The following LPIN1 variants were observed in gnomAD, a reference collection of about 807,000 sequenced individuals.
LPIN1 encodes the protein phosphatidate phosphatase LPIN1.
Under a neutral mutation model 107.5 loss-of-function variants are expected in LPIN1, and 71 were observed. That is an observed-to-expected ratio of 0.66 (90% confidence interval 0.55 to 0.80). The LOEUF is 0.80. LPIN1 is among the 30% of genes least tolerant of loss of function. The pLI is 0.00. For missense variants in LPIN1, 1,043 were observed against 1,160.6 expected (o/e 0.90, Z 1.47); for synonymous variants, 445 against 452.6 (o/e 0.98, Z 0.21).
At position 11,765,821 on chromosome 2, in the gene LPIN1, A is replaced by C. The variant is rs1225809893; in HGVS notation, c.192+88A>C. On this transcript the variant is annotated intron_variant, in intron 2 of 20. Coordinates refer to ENST00000674199, the MANE Select transcript of LPIN1 (RefSeq NM_001349206.2). The surrounding 1 kb of genome is among the most constrained non-coding windows in gnomAD (Gnocchi z 4.4). ...GTGATGCCACCTGTCTTGAACTCTCAGACCCAGAGTTTTAGGTCTTCGTTG... is the reference window on the plus strand; with the variant it reads ...GTGATGCCACCTGTCTTGAACTCTCCGACCCAGAGTTTTAGGTCTTCGTTG... 4 of 1,207,948 alleles carry C rather than the reference A, an allele frequency of 3.3e-6. No individual in the cohort carries two copies. The East Asian group carries it at 7.2e-5, about 22-fold the overall frequency. 74.8% of individuals were successfully genotyped at this position (1,207,948 alleles called of 1,614,324 possible).
At chr2:11,790,599 AAGGGGAGGCAGATGAGCTGCTCAC>A (rs1572852344) in intron 12 of LPIN1, among the ~76,000 whole-genome samples, 2 of 152,340 alleles carry the variant, frequency 1.3e-5, no homozygotes, top group East Asian at 3.9e-4. Context: ...GTCAGCAAGA[AAGGGGAGGCAGATGAGCTGCTCAC>A]AGGGTCTGAC....
At chr2:11,780,651 A>G (rs887308149) in intron 7 of LPIN1, among the ~76,000 whole-genome samples, 2 of 152,170 alleles carry the variant, frequency 1.3e-5, no homozygotes, top group Middle Eastern at 3.2e-3. Context: ...GCAGCAGGTT[A>G]TTCTGGGTTT....
Position 11,824,775 on chromosome 2 carries a change from A to G in LPIN1, c.2765A>G (p.His922Arg). 2 of 1,614,218 alleles carry G rather than the reference A, an allele frequency of 1.2e-6. No individual in the cohort carries two copies. Among genetic ancestry groups the G allele is most frequent in the African/African-American group, 1.3e-5 (1 of 75,052 alleles). ...CCACCTTTTGAAAACCAGGACATTC[A>G]TTCTGCCTCAGCGTAAAATGTCCCA... ...PLPPFENQDIHSASA is the reference protein window; with the variant it reads ...PLPPFENQDIRSASA Residue 922 changes from histidine to arginine, a missense_variant, in exon 21 of 21, where the codon CAT (histidine) becomes CGT (arginine). Transcript: ENST00000674199.
chr2:11,733,481 CTT>C (rs1491452118), intron 1 of LPIN1, among the ~76,000 whole-genome samples: 1 of 150,194 alleles, frequency 6.7e-6, no homozygotes, highest in Admixed American at 6.6e-5. Context: ...ACTGTGTTTT[CTT>C]TCTCTCTCTC....
Position 11,713,567 on chromosome 2 carries a change from G to T in LPIN1, c.82-189G>T, listed in dbSNP as rs185442328. Among the ~76,000 whole-genome samples, 5 of 152,240 alleles carry T rather than the reference G, an allele frequency of 3.3e-5. No individual in the cohort carries two copies. In the South Asian group the frequency reaches 6.2e-4, roughly 19 times the overall value. On this transcript the variant is annotated intron_variant, in intron 1 of 21. Coordinates refer to the LPIN1 transcript ENST00000449576. Reference sequence around the variant, plus strand: ...ATTACAGGCATGAGCCACTGTGCCCGGTCACACATTCTTCTTCTTAATTTA... The same window carrying T: ...ATTACAGGCATGAGCCACTGTGCCCTGTCACACATTCTTCTTCTTAATTTA...
At chr2:11,817,984 G>C (rs1345750257) in intron 18 of LPIN1, 1 of 145,986 alleles carries the variant, frequency 6.8e-6, no homozygotes, top group Non-Finnish European at 1.5e-5. Context: ...TTGCTGCTCC[G>C]AGATGCCATT....
Position 11,804,497 on chromosome 2 carries a change from C to T in LPIN1, c.2088C>T (p.Arg696=), listed in dbSNP as rs1439726086. 2 of 1,614,164 alleles carry T rather than the reference C, an allele frequency of 1.2e-6. No homozygotes were observed. The highest frequency in any genetic ancestry group is 4.5e-5 in the East Asian group (2 of 44,884). ...CCACGCAGTACCAAGGCACGTGCCGCTGTGAGGGCACCATCTATCTGTGGA... is the reference window on the plus strand; with the variant it reads ...CCACGCAGTACCAAGGCACGTGCCGTTGTGAGGGCACCATCTATCTGTGGA... ...SVTTQYQGTC[R]CEGTIYLWNW... Residue 696 remains arginine (R), a synonymous_variant, in exon 16 of 21, where the codon CGC becomes CGT. Transcript: ENST00000674199.
At chr2:11,691,083 G>GTT (rs373579741) in intron 1 of LPIN1, among the ~76,000 whole-genome samples, 24,008 of 120,054 alleles carry the variant, frequency 0.2, 2,580 homozygotes, top group South Asian at 0.26. Flanking sequence ...ATCTTGTTGT[G>GTT]GTTTTTTTTT....
chr2:11,734,172 A>G (rs1417475967), intron 1 of LPIN1, among the ~76,000 whole-genome samples: 1 of 152,246 alleles, frequency 6.6e-6, no homozygotes, highest in Non-Finnish European at 1.5e-5. Flanking sequence ...CTGTTAGAGC[A>G]TGAGGGACTC....
At position 11,677,878 on chromosome 2, in the gene LPIN1, T is replaced by C. The variant is rs1025125902; in HGVS notation, c.81+150T>C. On this transcript the variant is annotated intron_variant, in intron 1 of 21. Coordinates refer to the LPIN1 transcript ENST00000449576. Reference sequence around the variant, plus strand: ...GTTTGTGCATTCACGCTTCCCCAGATAGGTGACCGGCCCCGCTTGCTCCTC... The same window carrying C: ...GTTTGTGCATTCACGCTTCCCCAGACAGGTGACCGGCCCCGCTTGCTCCTC... 6 of 668,224 alleles carry C rather than the reference T, an allele frequency of 9.0e-6. No individual in the cohort carries two copies. In the Admixed American group the frequency reaches 1.2e-4, roughly 13 times the overall value. 41.4% of individuals were successfully genotyped at this position (668,224 alleles called of 1,614,324 possible). A position where few individuals can be genotyped will look rare whatever the true frequency, so the allele number is the denominator to read the frequency against.
intron 18 of LPIN1, among the ~76,000 whole-genome samples, chr2:11,815,913 T>C (rs1383925054): frequency 1.3e-5 from 2 of 152,184 alleles, no homozygotes; most frequent in African/African-American, 2.4e-5. Context: ...GACGTCCCTG[T>C]AGTTGGAGGC....
intron 1 of LPIN1, among the ~76,000 whole-genome samples, chr2:11,700,735 A>T (rs985761893): frequency 1.3e-5 from 2 of 152,048 alleles, no homozygotes; most frequent in African/African-American, 2.4e-5. Context: ...TGCTAATTAA[A>T]CGTCCCCCTG....
At chr2:11,770,274 G>C (rs1671630046) in intron 3 of LPIN1, among the ~76,000 whole-genome samples, 1 of 152,178 alleles carries the variant, frequency 6.6e-6, no homozygotes, top group South Asian at 2.1e-4. Flanking sequence ...TGTGGGTGGG[G>C]TGGGGCCTTG....
At chr2:11,814,995 A>C (rs1558298797) in intron 17 of LPIN1, 93 bp from the exon 18 acceptor site, 10 of 1,229,368 alleles carry the variant, frequency 8.1e-6, no homozygotes. Context: ...AAACAGTGCC[A>C]TTCTCCACAG....
At position 11,783,371 on chromosome 2, in the gene LPIN1, A is replaced by T. The variant is rs1673899891; in HGVS notation, c.1265-458A>T. Among the ~76,000 whole-genome samples, 9 of 152,312 alleles carry T rather than the reference A, an allele frequency of 5.9e-5. 1 individual carries two copies. The South Asian group carries it at 1.9e-3, about 32-fold the overall frequency. ...GTACACTTCAGGCACTTTACAGAGG[A>T]GGAATGAGGCTCAGCAAGTTAACTA... On this transcript the variant is annotated intron_variant, in intron 8 of 20. Transcript: ENST00000674199.
At chr2:11,694,508 C>T (rs886118158) in intron 1 of LPIN1, among the ~76,000 whole-genome samples, 2 of 152,198 alleles carry the variant, frequency 1.3e-5, no homozygotes, top group Non-Finnish European at 1.5e-5. Flanking sequence ...GTCTGTGTCA[C>T]GTGTTTGCCT....
At chr2:11,691,037 A>G (rs1336201104) in intron 1 of LPIN1, among the ~76,000 whole-genome samples, 5 of 147,948 alleles carry the variant, frequency 3.4e-5, no homozygotes, top group Admixed American at 3.3e-4. Flanking sequence ...AGCATTAGAC[A>G]TTTTGCTTGA....
In LPIN1 at chr2:11,697,447, C is replaced by T. The variant is rs1048183269; in HGVS notation, c.82-16309C>T. ...GTGGGGCTGCACCAGGAGCTGTGCTCGGCTCCTGCTTCTCCCTGGTTTGGC... is the reference window on the plus strand; with the variant it reads ...GTGGGGCTGCACCAGGAGCTGTGCTTGGCTCCTGCTTCTCCCTGGTTTGGC... On this transcript the variant is annotated intron_variant, in intron 1 of 21. Coordinates refer to the LPIN1 transcript ENST00000449576. The surrounding 1 kb of genome is among the most constrained non-coding windows in gnomAD (Gnocchi z 4.6). Among the ~76,000 whole-genome samples, 11 of 152,204 alleles carry T rather than the reference C, an allele frequency of 7.2e-5. No homozygotes were observed. The highest frequency in any genetic ancestry group is 2.0e-4 in the Admixed American group (3 of 15,288).
chr2:11,809,757 C>A (rs193102548), intron 17 of LPIN1, among the ~76,000 whole-genome samples: 5 of 152,280 alleles, frequency 3.3e-5, no homozygotes, highest in Non-Finnish European at 5.9e-5. Flanking sequence ...TTATTTCTTT[C>A]ATGTCAGCAC....
Sources: gnomAD v4.1 joint callset for allele counts (sites outside exome capture counted in the v4.1 genomes callset) on GRCh38, gnomAD v4.1.1 for gene constraint, Gnocchi (gnomAD v3.1) non-coding constraint, MANE v1.5 for transcripts, NCBI Gene and HGNC (gene_info 2026-07-23, HGNC 2026-07-21) for gene names.